TUBE1: variants seen among roughly 807,000 people sequenced by gnomAD.
TUBE1 encodes the protein tubulin epsilon chain.
A neutral mutation model predicts 53.5 loss-of-function variants in TUBE1; 34 were observed. The observed-to-expected ratio is 0.64, with a 90% confidence interval of 0.48 to 0.85. The LOEUF (loss-of-function observed/expected upper bound fraction) is 0.85, where lower values mean the gene tolerates loss of function less well. Ranked by LOEUF, TUBE1 falls within the 40% of genes least tolerant of loss-of-function variation. The pLI, the probability that TUBE1 is intolerant of heterozygous loss-of-function variation, is 0.00. For missense variants in TUBE1, 532 were observed against 570.5 expected (o/e 0.93, Z 0.69); for synonymous variants, 177 against 198.4 (o/e 0.89, Z 0.91).
intron 10 of TUBE1, 129 bp from the exon 11 acceptor site, chr6:112,072,205 C>T (rs1554315459): frequency 4.0e-5 from 25 of 632,744 alleles, no homozygotes; most frequent in East Asian, 1.8e-4. Context: ...TTAGTTTAGA[C>T]GCTAAGTTAT....
intron 11 of TUBE1, among the ~76,000 whole-genome samples, 153 bp from the exon 12 acceptor site, chr6:112,071,723 T>G (rs1776869048): frequency 6.6e-6 from 1 of 152,186 alleles, no homozygotes; most frequent in South Asian, 2.1e-4. Flanking sequence ...TCCTATAAAC[T>G]CATGAATTTT....
chr6:112,081,340 G>A (rs904286154), intron 4 of TUBE1, 133 bp from the exon 5 acceptor site: 3 of 431,190 alleles, frequency 7.0e-6, no homozygotes, highest in Non-Finnish European at 1.2e-5. Flanking sequence ...TCTTTACGTA[G>A]AATCTGTTGT....
chr6:112,079,462 A>G, intron 6 of TUBE1, 171 bp downstream of exon 6: 1 of 508,396 alleles, frequency 2.0e-6, no homozygotes, highest in Non-Finnish European at 3.3e-6. Context: ...TAGTGACATA[A>G]TTCCACAAAA....
At chr6:112,072,218 AT>A (rs1350115462) in intron 10 of TUBE1, 142 bp from the exon 11 acceptor site, 9 of 584,082 alleles carry the variant, frequency 1.5e-5, no homozygotes, top group Non-Finnish European at 2.6e-5. Flanking sequence ...TAAGTTATCT[AT>A]TTTTTACTAT....
intron 3 of TUBE1, chr6:112,085,567 TTA>T (rs782189896): frequency 5.2e-5 from 22 of 427,060 alleles, no homozygotes; most frequent in South Asian, 3.8e-4. Context: ...CTAAGAGAAT[TTA>T]GAGGTGAGGA....
chr6:112,074,970 G>T, intron 8 of TUBE1, 120 bp from the exon 9 acceptor site: 2 of 488,138 alleles, frequency 4.1e-6, no homozygotes, highest in Non-Finnish European at 6.7e-6. Flanking sequence ...CTTCAGTGCA[G>T]AACACATGCT....
At chr6:112,083,207 A>G (rs1188943639) in intron 4 of TUBE1, among the ~76,000 whole-genome samples, 1 of 151,918 alleles carries the variant, frequency 6.6e-6, no homozygotes, top group African/African-American at 2.4e-5. Context: ...TTTTCCAAGG[A>G]CATCGGAGAT....
rs782474485 is a variant in TUBE1 at position 112,084,275 on chromosome 6, A to G, written c.153-29T>C. 2.8e-5 allele frequency: 45 copies of G among 1,585,164 alleles called. No individual in the cohort carries two copies. The South Asian group carries it at 4.4e-4, about 16-fold the overall frequency. On this transcript the variant is annotated intron_variant, in intron 3 of 11. Coordinates refer to ENST00000368662, the MANE Select transcript of TUBE1 (RefSeq NM_016262.5). ...AAAGATAAAAAAATGAGAAATGGTC[A>G]TAAGATCTTCCATGGCTAATAGCAC...
intron 6 of TUBE1, chr6:112,076,799 GTTCAAGCAAGC>G (rs1218049430): frequency 5.0e-6 from 1 of 198,460 alleles, no homozygotes; most frequent in Non-Finnish European, 1.0e-5. Context: ...GAACTCCTAG[GTTCAAGCAAGC>G]TTCTGCCTTG....
chr6:112,078,080 G>C (rs994161503), intron 6 of TUBE1: 1 of 152,054 alleles, frequency 6.6e-6, no homozygotes, highest in Non-Finnish European at 1.5e-5. Context: ...ATAGATTTAT[G>C]TCTCATGATA....
Position 112,075,776 on chromosome 6 carries a change from GA to G in TUBE1, c.812+160del, listed in dbSNP as rs1776954703. The G allele has an allele frequency of 5.2e-6, 3 of 573,616 alleles. No individual in the cohort carries two copies. In the African/African-American group the frequency reaches 5.7e-5, roughly 11 times the overall value. 35.5% of individuals were successfully genotyped at this position (573,616 alleles called of 1,614,324 possible). A position where few individuals can be genotyped will look rare whatever the true frequency, so the allele number is the denominator to read the frequency against. Reference sequence around the variant, plus strand: ...GGGGAAATGCTGCTTTGGAGTCATAGAAGGTAAAATTCTGCGTGATCACTCC... The same window carrying G: ...GGGGAAATGCTGCTTTGGAGTCATAGAGGTAAAATTCTGCGTGATCACTCC... On this transcript the variant is annotated intron_variant, in intron 8 of 11. Transcript: ENST00000368662.
intron 10 of TUBE1, 31 bp from the exon 11 acceptor site, chr6:112,072,107 G>A (rs1370105989): frequency 5.2e-6 from 8 of 1,528,880 alleles, no homozygotes; most frequent in African/African-American, 1.4e-5. Context: ...CTCAGAAGGT[G>A]AGAACTAAGG....
At chr6:112,085,249 T>C (rs1287968591) in intron 3 of TUBE1, 1 of 153,416 alleles carries the variant, frequency 6.5e-6, no homozygotes. Context: ...ATATTTTTTG[T>C]ACTAAGCTGT....
rs996908580 is a variant in TUBE1, at chr6:112,076,426, A to T, written c.532T>A (p.Tyr178Asn). 1 of 1,613,714 alleles carries T rather than the reference A, an allele frequency of 6.2e-7. No homozygotes were observed. The highest frequency in any genetic ancestry group is 8.5e-7 in the Non-Finnish European group (1 of 1,179,822). The change falls in exon 7 of 12, where the codon TAT (tyrosine) becomes AAT (asparagine). Residue 178 changes from tyrosine to asparagine, a missense_variant. Tyr to Asn is a moderately radical substitution (Grantham distance 143). Transcript: ENST00000368662. ...PEVYRFVTSI[Y>N]PSGEDDVITS... ...ATGACATCATCCTCACCAGAAGGATAAATGGAAGTCACAAATCTGTATACT... is the reference window on the plus strand; with the variant it reads ...ATGACATCATCCTCACCAGAAGGATTAATGGAAGTCACAAATCTGTATACT...
intron 3 of TUBE1, chr6:112,085,762 T>C (rs782148477): frequency 4.3e-6 from 2 of 468,912 alleles, no homozygotes; most frequent in Admixed American, 2.4e-5. Context: ...GATAAAGTAA[T>C]GTGCCTATGA....
chr6:112,085,709 C>T (rs1333008233), intron 3 of TUBE1: 1 of 471,544 alleles, frequency 2.1e-6, no homozygotes, highest in East Asian at 6.9e-5. Flanking sequence ...ACCAAGCAAC[C>T]TTCAGATTAT....
chr6:112,077,098 C>G (rs1776984227), intron 6 of TUBE1: 1 of 152,046 alleles, frequency 6.6e-6, no homozygotes, highest in African/African-American at 2.4e-5. Flanking sequence ...GTAAAAAATT[C>G]AACTAAGACG....
At position 112,084,256 on chromosome 6, in the gene TUBE1, A is replaced by T. The variant is rs1449643447; in HGVS notation, c.153-10T>A. On this transcript the variant is annotated splice_polypyrimidine_tract_variant and intron_variant, in intron 3 of 11. Coordinates refer to ENST00000368662, the MANE Select transcript of TUBE1 (RefSeq NM_016262.5). ...ACCATCACCAACCACTCTGAAAGAT[A>T]AAAAAATGAGAAATGGTCATAAGAT... 6.2e-7 allele frequency: 1 copy of T among 1,608,968 alleles called. No individual in the cohort carries two copies. The highest frequency in any genetic ancestry group is 8.5e-7 in the Non-Finnish European group (1 of 1,176,280).
intron 10 of TUBE1, 63 bp from the exon 11 acceptor site, chr6:112,072,139 A>AT: frequency 8.7e-6 from 11 of 1,259,302 alleles, no homozygotes; most frequent in Non-Finnish European, 1.2e-5. Flanking sequence ...TCTGCCATAT[A>AT]ATGGCAGCTC....
Sources: allele counts gnomAD v4.1 joint callset (sites outside exome capture counted in the v4.1 genomes callset), GRCh38; gene constraint gnomAD v4.1.1; transcripts MANE v1.5; gene names NCBI Gene and HGNC (gene_info 2026-07-23, HGNC 2026-07-21).